The following HRH1 variants were observed in gnomAD, a reference collection of about 807,000 sequenced individuals.
The protein encoded by HRH1 is histamine receptor H1.
Under a neutral mutation model 10.3 loss-of-function variants are expected in HRH1, and 6 were observed. That is an observed-to-expected ratio of 0.58 (90% confidence interval 0.32 to 1.15). The LOEUF (loss-of-function observed/expected upper bound fraction) is 1.15, where lower values mean the gene tolerates loss of function less well. Among genes scored for constraint, HRH1 ranks in the 50% most tolerant of loss-of-function variants. The probability of loss-of-function intolerance (pLI) is 0.05; values close to 1 mark genes in which losing one functional copy is unlikely to be tolerated. For synonymous variants in HRH1, 242 were observed against 236.7 expected (o/e 1.02, Z -0.21); for missense variants, 514 against 615.3 (o/e 0.84, Z 1.74).
At chr3:11,247,511 G>T (rs1368082736) in intron 1 of HRH1, among the ~76,000 whole-genome samples, 1 of 152,142 alleles carries the variant, frequency 6.6e-6, no homozygotes, top group Non-Finnish European at 1.5e-5. Flanking sequence ...ATTGAATAGG[G>T]TCTATTAGGC....
intron 1 of HRH1, among the ~76,000 whole-genome samples, chr3:11,156,393 C>A (rs1466272495): frequency 6.6e-6 from 1 of 152,160 alleles, no homozygotes; most frequent in Non-Finnish European, 1.5e-5. Flanking sequence ...TCCTGACCCT[C>A]AGCTGAGTGT....
At chr3:11,148,450 G>C (rs946397796) in intron 1 of HRH1, among the ~76,000 whole-genome samples, 1 of 152,086 alleles carries the variant, frequency 6.6e-6, no homozygotes, top group Non-Finnish European at 1.5e-5. Flanking sequence ...TAAAAAAAAA[G>C]TATGGAAATA....
chr3:11,180,073 T>G lies in HRH1; in HGVS notation c.-36+25519T>G, dbSNP rs145309360. Among the ~76,000 whole-genome samples the G allele has an allele frequency of 2.5e-3, 378 of 152,256 alleles. 2 individuals carry two copies. The highest frequency in any genetic ancestry group is 8.8e-3 in the African/African-American group (364 of 41,544). On this transcript the variant is annotated intron_variant, in intron 1 of 1. Transcript: ENST00000431010. ...CCACCACACCCGGCCCTCTTTTGTG[T>G]TTTAAATGGCCTTATTAAGATGTAA...
chr3:11,154,274 A>T (rs1936723304), upstream of HRH1, among the ~76,000 whole-genome samples: 1 of 151,818 alleles, frequency 6.6e-6, no homozygotes. The surrounding 1 kb of genome is among the most constrained non-coding windows in gnomAD (Gnocchi z 4.4). Context: ...CTGGGGCGCG[A>T]GCTGGGAGAG....
intron 1 of HRH1, among the ~76,000 whole-genome samples, chr3:11,258,395 G>A (rs114362752): frequency 0.011 from 1,638 of 152,224 alleles, 36 homozygotes; most frequent in African/African-American, 0.037. Flanking sequence ...TGGCCTTCCC[G>A]ATGGTCCCAA....
chr3:11,139,832 G>A (rs556282044), intron 1 of HRH1, among the ~76,000 whole-genome samples: 29 of 152,170 alleles, frequency 1.9e-4, no homozygotes, highest in African/African-American at 6.5e-4. Flanking sequence ...ATGGGGAAAG[G>A]GGGGGAATTA....
chr3:11,237,136 T>A (rs1220913240), intron 1 of HRH1, among the ~76,000 whole-genome samples: 1 of 152,248 alleles, frequency 6.6e-6, no homozygotes, highest in African/African-American at 2.4e-5. Flanking sequence ...GGTGGTGTAA[T>A]CACTGTGTCC....
chr3:11,158,075 C>T (rs1478501480), intron 1 of HRH1, among the ~76,000 whole-genome samples: 1 of 152,210 alleles, frequency 6.6e-6, no homozygotes, highest in Admixed American at 6.5e-5. Context: ...TGACAAATTG[C>T]TTAATTGGGC....
At chr3:11,171,316 G>A (rs1011587131) in intron 1 of HRH1, among the ~76,000 whole-genome samples, 12 of 152,030 alleles carry the variant, frequency 7.9e-5, no homozygotes, top group Non-Finnish European at 1.3e-4. Flanking sequence ...AGGTTTCACC[G>A]CATTGGCCAG....
rs139385660 is a variant in HRH1 at position 11,195,689 on chromosome 3, A to G, written c.-36+41135A>G. On this transcript the variant is annotated intron_variant, in intron 1 of 1. Transcript: ENST00000431010. ...TCCAGGACTCTCTGGGTTGCCAGGG[A>G]CATAAACCACCTCAAGGAGCTCCTC... Among the ~76,000 whole-genome samples, 165 of 152,238 alleles carry G rather than the reference A, an allele frequency of 1.1e-3. 1 individual carries two copies. Among genetic ancestry groups the G allele is most frequent in the African/African-American group, 3.7e-3 (154 of 41,534 alleles).
intron 1 of HRH1, among the ~76,000 whole-genome samples, chr3:11,229,738 T>C (rs1479844091): frequency 6.6e-6 from 1 of 152,192 alleles, no homozygotes; most frequent in Non-Finnish European, 1.5e-5. Flanking sequence ...TGTTTTATTG[T>C]CATCTTGTTT....
chr3:11,217,746 G>T (rs966200080), intron 1 of HRH1, among the ~76,000 whole-genome samples: 33 of 152,280 alleles, frequency 2.2e-4, no homozygotes, highest in African/African-American at 7.7e-4. Context: ...TACACAATTA[G>T]AATTTTTAAG....
chr3:11,182,570 C>T (rs919773607), intron 1 of HRH1, among the ~76,000 whole-genome samples: 2 of 152,224 alleles, frequency 1.3e-5, no homozygotes, highest in African/African-American at 2.4e-5. Flanking sequence ...CTGCTCAGGC[C>T]TTCAGCAGTG....
At chr3:11,227,927 G>A (rs1938938568) in intron 1 of HRH1, among the ~76,000 whole-genome samples, 1 of 152,164 alleles carries the variant, frequency 6.6e-6, no homozygotes, top group Non-Finnish European at 1.5e-5. Flanking sequence ...CCATCCCTAA[G>A]GCATATCAAA....
intron 1 of HRH1, among the ~76,000 whole-genome samples, chr3:11,252,919 G>A (rs190036821): frequency 2.0e-5 from 3 of 152,068 alleles, no homozygotes; most frequent in East Asian, 1.9e-4. Flanking sequence ...TGTGTTCTTC[G>A]TCTGCGGTGG....
chr3:11,138,180 A>ATTTT lies in HRH1; in HGVS notation c.-36+793_-36+796dup, dbSNP rs746775307. Among the ~76,000 whole-genome samples the ATTTT allele has an allele frequency of 9.6e-3, 1,306 of 135,528 alleles. 25 individuals are homozygous for ATTTT. Among genetic ancestry groups the ATTTT allele is most frequent in the East Asian group, 0.046 (208 of 4,560 alleles). 88.9% of individuals were successfully genotyped at this position (135,528 alleles called of 152,430 possible). ...ACAGGCGCCCGCACCACGTTTGGCT[A>ATTTT]TTTTTTTTTTTTTTTGTATTTTTAG... On this transcript the variant is annotated intron_variant, in intron 1 of 1. Coordinates refer to the HRH1 transcript ENST00000438284.
intron 1 of HRH1, among the ~76,000 whole-genome samples, chr3:11,255,589 C>T (rs1211269818): frequency 6.6e-6 from 1 of 152,198 alleles, no homozygotes; most frequent in Non-Finnish European, 1.5e-5. Context: ...TGACGATGTG[C>T]CCAAAGTGGT....
At chr3:11,145,188 GGGGCCTCCCTT>G (rs1462401027) in intron 1 of HRH1, among the ~76,000 whole-genome samples, 1 of 152,062 alleles carries the variant, frequency 6.6e-6, no homozygotes, top group Non-Finnish European at 1.5e-5. Flanking sequence ...ACAACTCTGC[GGGGCCTCCCTT>G]GGGCCTCCCT....
intron 1 of HRH1, among the ~76,000 whole-genome samples, chr3:11,140,135 G>C (rs976848374): frequency 6.6e-6 from 1 of 152,124 alleles, no homozygotes; most frequent in Non-Finnish European, 1.5e-5. Context: ...TACAGTGAAC[G>C]ACCCGCGCAG....
Sources: allele counts gnomAD v4.1 joint callset (sites outside exome capture counted in the v4.1 genomes callset), GRCh38; gene constraint gnomAD v4.1.1; non-coding constraint Gnocchi (gnomAD v3.1); transcripts MANE v1.5; gene names NCBI Gene and HGNC (gene_info 2026-07-23, HGNC 2026-07-21).